CAPZA1: variants seen among roughly 807,000 people sequenced by gnomAD.
CAPZA1 encodes capping actin protein of muscle Z-line subunit alpha 1.
In CAPZA1, 10 loss-of-function variants were observed where a neutral mutation model predicts 40.8. That is an observed-to-expected ratio of 0.25 (90% CI 0.15 to 0.42). The LOEUF is 0.42. Among genes scored for constraint, CAPZA1 ranks in the 10% least tolerant of loss-of-function variants. The probability of loss-of-function intolerance (pLI) is 1.00; values close to 1 mark genes in which losing one functional copy is unlikely to be tolerated. For synonymous variants in CAPZA1, 98 were observed against 115.0 expected (o/e 0.85, Z 0.95); for missense variants, 277 against 353.8 (o/e 0.78, Z 1.74).
intron 5 of CAPZA1, among the ~76,000 whole-genome samples, chr1:112,658,237 A>C (rs1292144417): frequency 6.6e-6 from 1 of 152,184 alleles, no homozygotes; most frequent in African/African-American, 2.4e-5. Flanking sequence ...CCCACACTAA[A>C]GAAGAGTTAG....
At position 112,640,473 on chromosome 1, in the gene CAPZA1, A is replaced by C. The variant is rs1268392385; in HGVS notation, c.40-6737A>C. Among the ~76,000 whole-genome samples, 54 of 101,944 alleles carry C rather than the reference A, an allele frequency of 5.3e-4. 1 individual carries two copies. The highest frequency in any genetic ancestry group is 8.0e-4 in the African/African-American group (20 of 24,914). The allele number at this position is 101,944 out of a possible 152,430, so 66.9% of individuals were successfully genotyped here. On this transcript the variant is annotated intron_variant, in intron 1 of 9. Transcript: ENST00000263168. ...AGCCCCTCTGCCCAGCCAGCCGCCC[A>C]GTCCGGGAGGGAGGTGGGGGGGTCA...
At chr1:112,631,405 T>C (rs531002959) in intron 1 of CAPZA1, among the ~76,000 whole-genome samples, 2 of 152,260 alleles carry the variant, frequency 1.3e-5, no homozygotes, top group African/African-American at 4.8e-5. Context: ...AAAACAGTCC[T>C]AGATATGAGT....
At chr1:112,642,654 C>T (rs561465552) in intron 1 of CAPZA1, among the ~76,000 whole-genome samples, 5 of 152,230 alleles carry the variant, frequency 3.3e-5, no homozygotes, top group African/African-American at 1.2e-4. Context: ...ATCCAGTCTT[C>T]GGTCTTTATT....
At position 112,637,858 on chromosome 1, in the gene CAPZA1, T is replaced by A. The variant is rs149265768; in HGVS notation, c.40-9352T>A. On this transcript the variant is annotated intron_variant, in intron 1 of 9. Transcript: ENST00000263168. ...TGTGAAAATTACATGAAATACAAATTTCAGAGTACAAAATAAAGTTTTATT... is the reference window on the plus strand; with the variant it reads ...TGTGAAAATTACATGAAATACAAATATCAGAGTACAAAATAAAGTTTTATT... 9.1e-4 allele frequency among the ~76,000 whole-genome samples: 138 copies of A among 152,200 alleles called. 1 individual carries two copies. Among genetic ancestry groups the A allele is most frequent in the African/African-American group, 3.2e-3 (133 of 41,522 alleles).
chr1:112,656,688 A>G (rs1241573407), intron 5 of CAPZA1, among the ~76,000 whole-genome samples: 1 of 151,944 alleles, frequency 6.6e-6, no homozygotes, highest in Non-Finnish European at 1.5e-5. Context: ...TTAGCTATCA[A>G]ATGACCTACA....
chr1:112,630,468 C>T (rs1054878629), intron 1 of CAPZA1, among the ~76,000 whole-genome samples: 1 of 152,050 alleles, frequency 6.6e-6, no homozygotes, highest in African/African-American at 2.4e-5. Context: ...CTCAGCCTCC[C>T]GAGTAGCTGG....
intron 3 of CAPZA1, among the ~76,000 whole-genome samples, chr1:112,652,196 T>A (rs1671402221): frequency 6.6e-6 from 1 of 151,432 alleles, no homozygotes; most frequent in Non-Finnish European, 1.5e-5. Context: ...AAATTAGCTT[T>A]AGAGGCTGGG....
chr1:112,652,674 A>G (rs974536624), intron 3 of CAPZA1, among the ~76,000 whole-genome samples: 8 of 151,898 alleles, frequency 5.3e-5, no homozygotes. Flanking sequence ...ATGTTGGCAC[A>G]TTACCTGTCT....
At chr1:112,640,604 G>T (rs2101154147) in intron 1 of CAPZA1, among the ~76,000 whole-genome samples, 2 of 149,418 alleles carry the variant, frequency 1.3e-5, no homozygotes, top group South Asian at 4.2e-4. Flanking sequence ...AGGTGGGGGG[G>T]TCAGCCCCCC....
chr1:112,667,269 G>A, intron 8 of CAPZA1, 124 bp downstream of exon 8: 2 of 672,000 alleles, frequency 3.0e-6, no homozygotes, highest in South Asian at 2.0e-5. Context: ...TTTGATTTTG[G>A]CCACTTCTGT....
chr1:112,637,538 C>T (rs1313438255), intron 1 of CAPZA1, among the ~76,000 whole-genome samples: 1 of 152,226 alleles, frequency 6.6e-6, no homozygotes, highest in Non-Finnish European at 1.5e-5. Context: ...GCCTTGACCC[C>T]CCAGGCTCAA....
Position 112,667,091 on chromosome 1 carries a change from T to C in CAPZA1, c.603T>C (p.Asp201=), listed in dbSNP as rs372425318. The C allele has an allele frequency of 4.3e-6, 7 of 1,612,420 alleles. No individual in the cohort carries two copies. In the East Asian group the frequency reaches 1.3e-4, roughly 31 times the overall value. Residue 201 remains aspartate, a synonymous_variant, in exon 8 of 10, where the codon GAT becomes GAC. Coordinates refer to ENST00000263168, the MANE Select transcript of CAPZA1 (RefSeq NM_006135.3). The part of the protein sequence containing the change: ...VLKIQVHYYE[D]GNVQLVSHKD... ...TCACACAGGTTCACTATTATGAAGA[T>C]GGCAATGTTCAGTTGGTTAGTCATA... is the stretch of plus-strand genomic sequence containing the variant.
intron 3 of CAPZA1, 24 bp from the exon 4 acceptor site, chr1:112,653,574 T>TTTAAAAAATTTTAAA: frequency 8.9e-7 from 1 of 1,127,782 alleles, no homozygotes; most frequent in Non-Finnish European, 1.2e-6. Context: ...TTTTTTTTTT[T>TTTAAAAAATTTTAAA]AAAAAACTTT....
At chr1:112,624,914 G>A (rs12076902) in intron 1 of CAPZA1, among the ~76,000 whole-genome samples, 11,700 of 152,132 alleles carry the variant, frequency 0.077, 673 homozygotes, top group Admixed American at 0.17. Context: ...TCCTACATTT[G>A]CCCTGATTAC....
intron 7 of CAPZA1, among the ~76,000 whole-genome samples, chr1:112,664,621 C>A (rs12756815): frequency 0.2 from 30,032 of 152,094 alleles, 3,817 homozygotes; most frequent in East Asian, 0.47. Flanking sequence ...TAGTCCTCAT[C>A]TCATAAGAGT....
intron 3 of CAPZA1, chr1:112,649,767 A>G: frequency 2.6e-6 from 1 of 381,098 alleles, no homozygotes; most frequent in Non-Finnish European, 4.7e-6. Flanking sequence ...GTTCGTGTTG[A>G]ATTTTTTTAA....
chr1:112,651,716 C>A (rs1671390080), intron 3 of CAPZA1, among the ~76,000 whole-genome samples: 1 of 151,514 alleles, frequency 6.6e-6, no homozygotes, highest in East Asian at 1.9e-4. Flanking sequence ...TTTAAACTAA[C>A]ATTTATTCTA....
In CAPZA1 at chr1:112,670,048, C is replaced by T; in HGVS notation, c.777C>T (p.Arg259=). 4.3e-6 allele frequency: 7 copies of T among 1,613,902 alleles called. No homozygotes were observed. The highest frequency in any genetic ancestry group is 5.1e-6 in the Non-Finnish European group (6 of 1,179,830). ...TMSDTTFKAL[R]RQLPVTRTKI... is the part of the protein sequence containing the mutation. ...CAGATACCACATTCAAGGCCTTGCG[C>T]CGGCAGCTTCCAGTTACCCGCACCA... is the stretch of plus-strand genomic sequence containing the variant. The change falls in exon 10 of 10, where the codon CGC becomes CGT. Residue 259 remains arginine (R), a synonymous_variant. Transcript: ENST00000263168.
chr1:112,648,787 A>AC (rs1212185740), intron 2 of CAPZA1, among the ~76,000 whole-genome samples: 1 of 146,488 alleles, frequency 6.8e-6, no homozygotes, highest in African/African-American at 2.5e-5. Flanking sequence ...ACATGGTGAA[A>AC]CCCCGTCTCT....
Sources: gnomAD v4.1 joint callset for allele counts (sites outside exome capture counted in the v4.1 genomes callset) on GRCh38, gnomAD v4.1.1 for gene constraint, MANE v1.5 for transcripts, NCBI Gene and HGNC (gene_info 2026-07-23, HGNC 2026-07-21) for gene names.